SCN11A: variants seen among roughly 807,000 people sequenced by gnomAD.
SCN11A encodes sodium voltage-gated channel alpha subunit 11.
Under a neutral mutation model 162.2 loss-of-function variants are expected in SCN11A, and 122 were observed. The observed-to-expected ratio is 0.75, with a 90% CI of 0.65 to 0.87. The LOEUF (loss-of-function observed/expected upper bound fraction) is 0.87, where lower values mean the gene tolerates loss of function less well. Ranked by LOEUF, SCN11A falls within the 40% of genes least tolerant of loss-of-function variation. The probability of loss-of-function intolerance (pLI) is 0.00; values close to 1 mark genes in which losing one functional copy is unlikely to be tolerated. For missense variants in SCN11A, 2,015 were observed against 2,181.6 expected, an observed-to-expected ratio of 0.92 and a Z score of 1.52; for synonymous variants, 758 against 751.5, an observed-to-expected ratio of 1.01 and a Z score of -0.14.
At chr3:38,910,738 T>C (rs2065876238) in intron 11 of SCN11A, among the ~76,000 whole-genome samples, 2 of 152,184 alleles carry the variant, frequency 1.3e-5, no homozygotes, top group Admixed American at 1.3e-4. Flanking sequence ...TATAGTTCTA[T>C]GATTTATTTA....
At chr3:38,897,251 A>T in intron 17 of SCN11A, 26 bp from the exon 18 acceptor site, 2 of 1,562,480 alleles carry the variant, frequency 1.3e-6, no homozygotes. Context: ...ACAAACAAAA[A>T]TGGAAGAAAA....
At chr3:38,955,999 C>T (rs151034647) in intron 3 of SCN11A, among the ~76,000 whole-genome samples, 2,670 of 152,302 alleles carry the variant, frequency 0.018, 45 homozygotes, top group African/African-American at 0.045. Flanking sequence ...GTAATCTCAG[C>T]ACTTTGGGAG....
chr3:38,967,443 T>G (rs531064360), intron 2 of SCN11A, among the ~76,000 whole-genome samples: 1 of 152,308 alleles, frequency 6.6e-6, no homozygotes, highest in Admixed American at 6.5e-5. Context: ...CTCTTGTCAA[T>G]AGCCAGCACC....
chr3:38,990,239 G>A (rs750063585), intron 2 of SCN11A, among the ~76,000 whole-genome samples: 29 of 152,144 alleles, frequency 1.9e-4, no homozygotes, highest in Non-Finnish European at 4.1e-4. Context: ...CGACTTATCC[G>A]AGGTGCTGGA....
intron 2 of SCN11A, among the ~76,000 whole-genome samples, chr3:38,999,234 T>C (rs2030737866): frequency 6.6e-6 from 1 of 152,188 alleles, no homozygotes. Flanking sequence ...ATTTGTTTTC[T>C]TTTACATGTA....
At position 38,987,317 on chromosome 3, in the gene SCN11A, A is replaced by T. The variant is rs1043751725; in HGVS notation, c.-279-26894T>A. ...CTCTCTCTCTCTCACACACACACAC[A>T]CACACACACACACACACACACACAC... On this transcript the variant is annotated intron_variant, in intron 2 of 29. Transcript: ENST00000302328. 5.2e-3 allele frequency among the ~76,000 whole-genome samples: 776 copies of T among 148,764 alleles called. 7 individuals carry two copies. Among genetic ancestry groups the T allele is most frequent in the African/African-American group, 0.015 (612 of 39,858 alleles).
At chr3:39,047,689 A>T (rs1394559048) in intron 1 of SCN11A, among the ~76,000 whole-genome samples, 1 of 151,516 alleles carries the variant, frequency 6.6e-6, no homozygotes, top group East Asian at 1.9e-4. Flanking sequence ...AGCAAAAAAA[A>T]CCCAAATAAT....
chr3:38,896,732 G>T, intron 18 of SCN11A, 113 bp downstream of exon 18: 7 of 869,682 alleles, frequency 8.0e-6, no homozygotes, highest in South Asian at 3.0e-5. Context: ...TATTTATTTG[G>T]CATTATATTT....
intron 5 of SCN11A, among the ~76,000 whole-genome samples, chr3:38,949,338 G>A (rs1042243632): frequency 6.6e-6 from 1 of 152,192 alleles, no homozygotes; most frequent in African/African-American, 2.4e-5. Flanking sequence ...CCTCACTCGG[G>A]AGCCCCTTCA....
intron 24 of SCN11A, 132 bp from the exon 25 acceptor site, chr3:38,871,840 G>T: frequency 1.4e-6 from 1 of 739,288 alleles, no homozygotes; most frequent in Non-Finnish European, 2.2e-6. Flanking sequence ...ACATACATGT[G>T]CCCCATCCCC....
At chr3:38,953,139 T>C (rs532549470) in intron 4 of SCN11A, among the ~76,000 whole-genome samples, 1 of 152,194 alleles carries the variant, frequency 6.6e-6, no homozygotes, top group Admixed American at 6.5e-5. Flanking sequence ...GGAAGGCCCT[T>C]AGCAAACTAA....
At position 38,920,035 on chromosome 3, in the gene SCN11A, A is replaced by G. The variant is rs962946505; in HGVS notation, c.893-34T>C. 3 of 1,499,720 alleles carry G rather than the reference A, an allele frequency of 2.0e-6. No homozygotes were observed. The Admixed American group carries it at 5.2e-5, about 26-fold the overall frequency. 92.9% of individuals were successfully genotyped at this position (1,499,720 alleles called of 1,614,324 possible). On this transcript the variant is annotated intron_variant, in intron 10 of 29. Coordinates refer to ENST00000302328, the MANE Select transcript of SCN11A (RefSeq NM_001349253.2). ...GGAAAAAGTCATAAATTCAGATTTT[A>G]AAAAAAACATTGAAAGGAAAGAGAA...
At chr3:38,850,309 C>T (rs1364114917) in intron 29 of SCN11A, 172 bp downstream of exon 29, 1 of 610,024 alleles carries the variant, frequency 1.6e-6, no homozygotes, top group Non-Finnish European at 2.9e-6. Flanking sequence ...CTCTCTATCT[C>T]CTAGCAACTT....
chr3:38,846,833 T>A lies in SCN11A; in HGVS notation c.5237A>T (p.Lys1746Met). 6.2e-7 allele frequency: 1 copy of A among 1,614,112 alleles called. No individual in the cohort carries two copies. The highest frequency in any genetic ancestry group is 8.5e-7 in the Non-Finnish European group (1 of 1,180,000). Reference sequence around the variant, plus strand: ...ACCCTTGGTCACCTTCATCATGTACTTTCGAAAGGCCTTTTGAATAATAGC... The same window carrying A: ...ACCCTTGGTCACCTTCATCATGTACATTCGAAAGGCCTTTTGAATAATAGC... ...GAAIIQKAFR[K>M]YMMKVTKGDQ... Residue 1746 changes from lysine to methionine, a missense_variant, in exon 30 of 30, where the codon AAG becomes ATG. Coordinates refer to ENST00000302328, the MANE Select transcript of SCN11A (RefSeq NM_001349253.2).
Position 38,894,797 on chromosome 3 carries a change from C to G in SCN11A, c.2571G>C (p.Trp857Cys), listed in dbSNP as rs1345461775. The G allele has an allele frequency of 6.2e-7, 1 of 1,614,164 alleles. No individual in the cohort carries two copies. Among genetic ancestry groups the G allele is most frequent in the South Asian group, 1.1e-5 (1 of 91,084 alleles). ...GCTGTGGTAAGTTTTGCTTCCTGCA[C>G]CACTTGTGACAGAAATGCTCAAGAG... ...RHTLEHFCHK[W>C]CRKQNLPQQK... is the part of the protein sequence containing the mutation. Residue 857 changes from tryptophan (W) to cysteine (C), a missense_variant, in exon 19 of 30, where the codon TGG becomes TGC. Physicochemically the swap from Trp to Cys is radical, Grantham distance 215. Transcript: ENST00000302328.
At chr3:38,917,168 A>G (rs1343912717) in intron 11 of SCN11A, among the ~76,000 whole-genome samples, 1 of 152,230 alleles carries the variant, frequency 6.6e-6, no homozygotes, top group Admixed American at 6.5e-5. Flanking sequence ...AAAAAATAAC[A>G]GATGCTGGCA....
chr3:38,994,746 G>A (rs1255668528), intron 2 of SCN11A, among the ~76,000 whole-genome samples: 1 of 152,158 alleles, frequency 6.6e-6, no homozygotes, highest in Non-Finnish European at 1.5e-5. Context: ...GCAAAGGGGA[G>A]AGACAATTTA....
intron 3 of SCN11A, among the ~76,000 whole-genome samples, chr3:38,957,658 C>T (rs899295264): frequency 6.6e-6 from 1 of 152,222 alleles, no homozygotes; most frequent in African/African-American, 2.4e-5. Context: ...TCTGCAACTG[C>T]TCTTCTGTAG....
chr3:39,044,830 G>C (rs2032146344), intron 1 of SCN11A, among the ~76,000 whole-genome samples: 1 of 151,774 alleles, frequency 6.6e-6, no homozygotes, highest in Admixed American at 6.6e-5. Context: ...GATTAGAGCA[G>C]AAATAATGAA....
Sources: allele counts gnomAD v4.1 joint callset (sites outside exome capture counted in the v4.1 genomes callset), GRCh38; gene constraint gnomAD v4.1.1; transcripts MANE v1.5; gene names NCBI Gene and HGNC (gene_info 2026-07-23, HGNC 2026-07-21).